The following SVOPL variants were observed in gnomAD, a reference collection of about 807,000 sequenced individuals.
SVOPL encodes SVOP like.
SVOPL carries 60 observed loss-of-function variants against 61.0 expected under a neutral mutation model. That is an observed-to-expected ratio of 0.98 (90% CI 0.80 to 1.22). The LOEUF (loss-of-function observed/expected upper bound fraction) is 1.22. Among genes scored for constraint, SVOPL ranks in the 50% most tolerant of loss-of-function variants. The pLI is 0.00. For synonymous variants in SVOPL, 279 were observed against 250.0 expected (o/e 1.12, Z -1.09); for missense variants, 662 against 643.9 (o/e 1.03, Z -0.30).
At chr7:138,672,517 A>G (rs1802449193) in intron 3 of SVOPL, among the ~76,000 whole-genome samples, 2 of 152,184 alleles carry the variant, frequency 1.3e-5, no homozygotes, top group Admixed American at 6.5e-5. Context: ...AAGGTTGCAG[A>G]GCACACGCCT....
chr7:138,643,942 G>A lies in SVOPL; in HGVS notation c.789+775C>T, dbSNP rs1218436742. On this transcript the variant is annotated intron_variant, in intron 9 of 15. Transcript: ENST00000674285. ...GTATATTTTACCACAATTTAGACAC[G>A]CCTATAATCCCAGCACTTTGGGAGG... Among the ~76,000 whole-genome samples the A allele has an allele frequency of 3.3e-5, 5 of 151,884 alleles. No individual in the cohort carries two copies. The East Asian group carries it at 7.7e-4, about 23-fold the overall frequency.
intron 7 of SVOPL, among the ~76,000 whole-genome samples, 183 bp from the exon 8 acceptor site, chr7:138,649,320 G>C (rs1322259506): frequency 6.6e-6 from 1 of 152,016 alleles, no homozygotes; most frequent in Non-Finnish European, 1.5e-5. Context: ...TTTGAGACAG[G>C]GTCCACTCTC....
chr7:138,666,797 T>A (rs1802275086), intron 4 of SVOPL, among the ~76,000 whole-genome samples: 2 of 152,190 alleles, frequency 1.3e-5, no homozygotes, highest in Admixed American at 6.5e-5. Context: ...ACAAACGAGC[T>A]TACCTAGTCT....
intron 5 of SVOPL, 146 bp downstream of exon 5, chr7:138,662,928 G>A: frequency 6.8e-7 from 1 of 1,478,520 alleles, no homozygotes; most frequent in South Asian, 1.4e-5. Flanking sequence ...GATAAGCCTG[G>A]AATGTTCCAT....
At chr7:138,667,454 A>T (rs1802294759) in intron 4 of SVOPL, among the ~76,000 whole-genome samples, 1 of 152,208 alleles carries the variant, frequency 6.6e-6, no homozygotes, top group African/African-American at 2.4e-5. Flanking sequence ...GATGAGACTC[A>T]TTCTTCCCAG....
At chr7:138,652,386 T>C (rs1801483827) in intron 7 of SVOPL, among the ~76,000 whole-genome samples, 1 of 151,864 alleles carries the variant, frequency 6.6e-6, no homozygotes, top group Non-Finnish European at 1.5e-5. Context: ...GGGGCCTCAC[T>C]GTGTTATCTA....
At chr7:138,645,908 C>T (rs545504220) in intron 8 of SVOPL, among the ~76,000 whole-genome samples, 1 of 152,086 alleles carries the variant, frequency 6.6e-6, no homozygotes, top group Non-Finnish European at 1.5e-5. Flanking sequence ...CTCCACCTCC[C>T]GGGTTCAAGC....
intron 1 of SVOPL, among the ~76,000 whole-genome samples, chr7:138,690,161 A>C (rs898092266): frequency 6.6e-6 from 1 of 152,202 alleles, no homozygotes; most frequent in Non-Finnish European, 1.5e-5. Context: ...TGAAATGATC[A>C]ATTTCTCTTG....
chr7:138,652,774 G>A (rs976863714), intron 7 of SVOPL, among the ~76,000 whole-genome samples: 4 of 151,932 alleles, frequency 2.6e-5, no homozygotes, highest in South Asian at 2.1e-4. Flanking sequence ...ACAGGTGCAC[G>A]CCACCACACC....
In SVOPL at chr7:138,595,691, T is replaced by TATAC. The variant is rs373363640; in HGVS notation, c.1467+725_1467+726insGTAT. ...TCGACTTGTGTCTTAGTTTCCTCAT[T>TATAC]TGTATAAAGGATCTGATAATCCTTT... On this transcript the variant is annotated intron_variant, in intron 15 of 15. Coordinates refer to ENST00000674285, the MANE Select transcript of SVOPL (RefSeq NM_001139456.2). Among the ~76,000 whole-genome samples, 343 of 152,288 alleles carry TATAC rather than the reference T, an allele frequency of 2.3e-3. 2 individuals are homozygous for TATAC. The highest frequency in any genetic ancestry group is 7.8e-3 in the African/African-American group (324 of 41,546).
At chr7:138,630,404 A>G (rs7777273) in intron 9 of SVOPL, among the ~76,000 whole-genome samples, 3,521 of 152,238 alleles carry the variant, frequency 0.023, 123 homozygotes, top group African/African-American at 0.081. Flanking sequence ...GCCCACCAGC[A>G]CTGGCGCGGG....
chr7:138,638,882 G>C (rs577856584), intron 9 of SVOPL, among the ~76,000 whole-genome samples: 92 of 152,320 alleles, frequency 6.0e-4, no homozygotes, highest in African/African-American at 2.2e-3. Flanking sequence ...GTTAGTCAAG[G>C]AGACAAGGAA....
chr7:138,597,051 TTTGGTGTCAA>T, intron 14 of SVOPL: 1 of 1,158,794 alleles, frequency 8.6e-7, no homozygotes, highest in Middle Eastern at 2.4e-4. Context: ...ACCAAAACTC[TTTGGTGTCAA>T]TTTTTCCACA....
chr7:138,618,125 G>A (rs767178170), intron 14 of SVOPL, among the ~76,000 whole-genome samples: 1 of 152,146 alleles, frequency 6.6e-6, no homozygotes, highest in African/African-American at 2.4e-5. Flanking sequence ...AAGGAAAGCA[G>A]AGCATCTCGA....
At chr7:138,678,557 C>T in intron 2 of SVOPL, 32 bp from the exon 3 acceptor site, 2 of 1,549,002 alleles carry the variant, frequency 1.3e-6, no homozygotes, top group Non-Finnish European at 1.7e-6. Context: ...GAAAAAATTG[C>T]TTCTGCAGGG....
intron 1 of SVOPL, among the ~76,000 whole-genome samples, chr7:138,693,333 T>C (rs901563034): frequency 2.6e-5 from 4 of 151,720 alleles, no homozygotes; most frequent in Non-Finnish European, 4.4e-5. Flanking sequence ...GGGCTGGGTA[T>C]AGAGAGACCT....
intron 5 of SVOPL, chr7:138,661,629 A>G: frequency 1.0e-6 from 1 of 982,710 alleles, no homozygotes; most frequent in East Asian, 1.1e-4. Context: ...ATGTTTTTAG[A>G]TTTTGTGACA....
chr7:138,636,073 C>T (rs138206573), intron 9 of SVOPL, among the ~76,000 whole-genome samples: 1,617 of 151,852 alleles, frequency 0.011, 29 homozygotes, highest in African/African-American at 0.037. Flanking sequence ...GGACTACAGG[C>T]GCACACCACT....
chr7:138,640,905 T>A (rs953834350), intron 9 of SVOPL, among the ~76,000 whole-genome samples: 1 of 151,898 alleles, frequency 6.6e-6, no homozygotes, highest in Non-Finnish European at 1.5e-5. Flanking sequence ...ACCCCCTGAA[T>A]CTAAAATAAG....
Sources: allele counts gnomAD v4.1 joint callset (sites outside exome capture counted in the v4.1 genomes callset), GRCh38; gene constraint gnomAD v4.1.1; transcripts MANE v1.5; gene names NCBI Gene and HGNC (gene_info 2026-07-23, HGNC 2026-07-21).